NRG1: variants seen among roughly 807,000 people sequenced by gnomAD.
NRG1 encodes the protein neuregulin 1.
A neutral mutation model predicts 63.8 loss-of-function variants in NRG1; 18 were observed. That is an observed-to-expected ratio of 0.28 (90% CI 0.19 to 0.42). The LOEUF is 0.42. Among genes scored for constraint, NRG1 ranks in the 10% least tolerant of loss-of-function variants. The probability of loss-of-function intolerance (pLI) is 1.00; values close to 1 mark genes in which losing one functional copy is unlikely to be tolerated. For synonymous variants in NRG1, 302 were observed against 301.3 expected, an observed-to-expected ratio of 1.00 and a Z score of -0.02; for missense variants, 762 against 814.7, an observed-to-expected ratio of 0.94 and a Z score of 0.79.
intron 1 of NRG1, among the ~76,000 whole-genome samples, chr8:31,680,538 C>A (rs2131057672): frequency 6.6e-6 from 1 of 151,052 alleles, no homozygotes; most frequent in South Asian, 2.1e-4. Flanking sequence ...TCCAGTCTAT[C>A]ATTGTTGGAC....
intron 1 of NRG1, among the ~76,000 whole-genome samples, chr8:31,861,700 G>A (rs1392773064): frequency 6.6e-6 from 1 of 152,122 alleles, no homozygotes; most frequent in East Asian, 1.9e-4. Flanking sequence ...AGACCCTAGG[G>A]CCTCTTTCCT....
chr8:32,758,199 A>G (rs182519956), intron 9 of NRG1, among the ~76,000 whole-genome samples: 3 of 152,328 alleles, frequency 2.0e-5, no homozygotes, highest in Admixed American at 6.5e-5. Context: ...TATAAATACT[A>G]ACAGCAATTA....
chr8:32,687,674 C>G (rs1810516768), intron 5 of NRG1, among the ~76,000 whole-genome samples: 1 of 152,142 alleles, frequency 6.6e-6, no homozygotes, highest in South Asian at 2.1e-4. Flanking sequence ...GAGAACATCA[C>G]TAGGTCCAAA....
chr8:32,639,018 T>C (rs1324752491), intron 5 of NRG1, among the ~76,000 whole-genome samples: 1 of 152,144 alleles, frequency 6.6e-6, no homozygotes, highest in Non-Finnish European at 1.5e-5. Flanking sequence ...TGTATTTTCA[T>C]TTTGATCAGC....
intron 1 of NRG1, among the ~76,000 whole-genome samples, chr8:31,665,410 T>A (rs1397803414): frequency 6.6e-6 from 1 of 152,040 alleles, no homozygotes; most frequent in East Asian, 1.9e-4. Flanking sequence ...ATCATTTTGG[T>A]AAGGGTACAG....
chr8:32,714,187 T>C (rs1204595244), intron 5 of NRG1, among the ~76,000 whole-genome samples: 1 of 152,206 alleles, frequency 6.6e-6, no homozygotes, highest in Non-Finnish European at 1.5e-5. Context: ...ATCCATGTGT[T>C]CTTCTTGTTT....
chr8:31,864,821 G>C (rs539435827), intron 1 of NRG1, among the ~76,000 whole-genome samples: 7 of 152,196 alleles, frequency 4.6e-5, no homozygotes, highest in Admixed American at 1.3e-4. Context: ...GTGGACAATT[G>C]ATGGACTGAG....
At chr8:32,691,550 A>T (rs1050449707) in intron 5 of NRG1, among the ~76,000 whole-genome samples, 1 of 152,220 alleles carries the variant, frequency 6.6e-6, no homozygotes, top group African/African-American at 2.4e-5. Flanking sequence ...GAAAAAGAGA[A>T]TTGCAATTAC....
chr8:32,029,135 A>G (rs1406150170), intron 1 of NRG1, among the ~76,000 whole-genome samples: 5 of 152,210 alleles, frequency 3.3e-5, no homozygotes, highest in African/African-American at 9.6e-5. Context: ...TAAAGAAAAC[A>G]AAGTATTATT....
chr8:32,091,951 A>G (rs559886266), intron 1 of NRG1, among the ~76,000 whole-genome samples: 8 of 152,112 alleles, frequency 5.3e-5, no homozygotes, highest in African/African-American at 7.2e-5. Context: ...TGCTCCTTCA[A>G]ACATGCTCCT....
chr8:32,528,281 G>A (rs541618998), intron 1 of NRG1, among the ~76,000 whole-genome samples: 1 of 152,286 alleles, frequency 6.6e-6, no homozygotes, highest in Admixed American at 6.5e-5. Context: ...GTGAGTATAA[G>A]CTTAATCAAG....
intron 1 of NRG1, among the ~76,000 whole-genome samples, chr8:31,680,008 C>A (rs1173684364): frequency 6.6e-6 from 1 of 151,890 alleles, no homozygotes; most frequent in Non-Finnish European, 1.5e-5. Flanking sequence ...AGGAAAAGAC[C>A]TGTGTGGAGA....
chr8:31,993,578 C>T (rs115609186), intron 1 of NRG1, among the ~76,000 whole-genome samples: 3,355 of 152,112 alleles, frequency 0.022, 124 homozygotes, highest in African/African-American at 0.076. Context: ...CTGTGTAAGA[C>T]ATCCCTTTTC....
At chr8:32,675,473 T>C (rs1806845182) in intron 5 of NRG1, among the ~76,000 whole-genome samples, 1 of 152,256 alleles carries the variant, frequency 6.6e-6, no homozygotes, top group African/African-American at 2.4e-5. Flanking sequence ...CCCCAAAAAG[T>C]ACTTGTTGCT....
At chr8:32,665,710 A>G (rs16879710) in intron 5 of NRG1, among the ~76,000 whole-genome samples, 1 of 152,178 alleles carries the variant, frequency 6.6e-6, no homozygotes. Context: ...CTGCTCAAAA[A>G]CAAGCCATTG....
intron 1 of NRG1, among the ~76,000 whole-genome samples, chr8:32,168,254 G>A (rs571163480): frequency 3.0e-4 from 46 of 152,292 alleles, no homozygotes; most frequent in African/African-American, 1.1e-3. Context: ...AACTCCAAAG[G>A]AAGGATATGA....
chr8:31,878,678 G>T (rs1451562303), intron 1 of NRG1, among the ~76,000 whole-genome samples: 5 of 152,174 alleles, frequency 3.3e-5, no homozygotes, highest in South Asian at 2.1e-4. Context: ...AGTCTAATTT[G>T]TAAGATTGGC....
intron 1 of NRG1, among the ~76,000 whole-genome samples, chr8:32,218,220 G>A (rs898431459): frequency 2.6e-5 from 4 of 152,194 alleles, no homozygotes; most frequent in African/African-American, 9.6e-5. Flanking sequence ...TGTGTAAACA[G>A]ATTGTAGCCT....
chr8:32,217,726 T>C (rs1845391526), intron 1 of NRG1, among the ~76,000 whole-genome samples: 1 of 152,232 alleles, frequency 6.6e-6, no homozygotes, highest in African/African-American at 2.4e-5. Context: ...TATTCATTCA[T>C]TTTAAAAACT....
Sources: gnomAD v4.1 joint callset for allele counts (sites outside exome capture counted in the v4.1 genomes callset) on GRCh38, gnomAD v4.1.1 for gene constraint, MANE v1.5 for transcripts, NCBI Gene and HGNC (gene_info 2026-07-23, HGNC 2026-07-21) for gene names.